Variants in CALN1 observed in about 807,000 individuals in gnomAD.
The protein encoded by CALN1 is calneuron 1.
CALN1 carries 17 observed loss-of-function variants against 30.6 expected under a neutral mutation model. That is an observed-to-expected ratio of 0.56 (90% CI 0.38 to 0.83). The LOEUF (loss-of-function observed/expected upper bound fraction) is 0.83. Ranked by LOEUF, CALN1 falls within the 40% of genes least tolerant of loss-of-function variation. CALN1 has a pLI of 0.00. For synonymous variants in CALN1, 156 were observed against 131.4 expected (o/e 1.19, Z -1.28); for missense variants, 291 against 354.9 (o/e 0.82, Z 1.45).
At chr7:71,848,314 A>G (rs1584362869) in intron 5 of CALN1, among the ~76,000 whole-genome samples, 1 of 152,200 alleles carries the variant, frequency 6.6e-6, no homozygotes, top group African/African-American at 2.4e-5. Flanking sequence ...TTTGATGCTC[A>G]CACCCGTATT....
At chr7:72,212,402 G>C (rs1231118321) in intron 3 of CALN1, among the ~76,000 whole-genome samples, 1 of 150,152 alleles carries the variant, frequency 6.7e-6, no homozygotes, top group Non-Finnish European at 1.5e-5. Context: ...CAATAGATAT[G>C]ACATGGAAGA....
intron 3 of CALN1, among the ~76,000 whole-genome samples, chr7:72,175,175 G>A (rs1256181692): frequency 1.3e-5 from 2 of 151,676 alleles, no homozygotes; most frequent in Admixed American, 6.6e-5. Flanking sequence ...CCAGGTTCAC[G>A]CCATTCTCCT....
chr7:72,129,491 T>A (rs1298666671), intron 3 of CALN1, among the ~76,000 whole-genome samples: 1 of 152,222 alleles, frequency 6.6e-6, no homozygotes, highest in Non-Finnish European at 1.5e-5. Context: ...AGATCATATT[T>A]AATGATACTA....
intron 1 of CALN1, among the ~76,000 whole-genome samples, chr7:72,428,396 T>G (rs1014090921): frequency 2.8e-5 from 4 of 141,792 alleles, no homozygotes; most frequent in Non-Finnish European, 4.5e-5. Context: ...TTTATTTTAT[T>G]ATTTTTTTTT....
chr7:72,498,249 C>A, the CALN1 span, among the ~76,000 whole-genome samples: 1,060 of 151,998 alleles, frequency 7.0e-3, 20 homozygotes, highest in Non-Finnish European at 5.5e-3. Flanking sequence ...GGAATAGAAT[C>A]GAGAATTTTT....
chr7:71,950,385 A>G (rs945452502), intron 5 of CALN1, among the ~76,000 whole-genome samples: 2 of 152,214 alleles, frequency 1.3e-5, no homozygotes, highest in African/African-American at 4.8e-5. Context: ...GGTCTCCGAC[A>G]ATCACTACCA....
intron 5 of CALN1, among the ~76,000 whole-genome samples, chr7:71,913,536 C>T (rs980191535): frequency 2.0e-5 from 3 of 152,142 alleles, no homozygotes; most frequent in African/African-American, 7.2e-5. Context: ...TCCCATAGTA[C>T]AATACAAGTT....
intron 3 of CALN1, among the ~76,000 whole-genome samples, chr7:72,228,811 G>T (rs1024992252): frequency 3.6e-4 from 55 of 151,562 alleles, no homozygotes; most frequent in African/African-American, 1.3e-3. Context: ...GTCCAGGCTG[G>T]AGTGCACTGA....
intron 5 of CALN1, among the ~76,000 whole-genome samples, chr7:71,986,523 C>T (rs1798681573): frequency 6.6e-6 from 1 of 152,204 alleles, no homozygotes; most frequent in Admixed American, 6.5e-5. Flanking sequence ...TCTTCAGCTG[C>T]AGACATCACC....
At chr7:71,840,900 A>G (rs1052946354) in intron 5 of CALN1, among the ~76,000 whole-genome samples, 2 of 152,094 alleles carry the variant, frequency 1.3e-5, no homozygotes, top group Non-Finnish European at 2.9e-5. Flanking sequence ...ATATTTTACT[A>G]AGATATGTGG....
intron 4 of CALN1, among the ~76,000 whole-genome samples, chr7:72,105,796 AGGGAGGGAGGAGGAGGAGG>A (rs1807057024): frequency 1.1e-5 from 1 of 92,108 alleles, no homozygotes; most frequent in Non-Finnish European, 2.2e-5. Flanking sequence ...GGGGGGAGGG[AGGGAGGGAGGAGGAGGAGG>A]GGGAGGGAGA....
chr7:72,262,310 C>T (rs529663857), intron 3 of CALN1, among the ~76,000 whole-genome samples: 1 of 152,308 alleles, frequency 6.6e-6, no homozygotes, highest in African/African-American at 2.4e-5. Context: ...AGATGTTTCC[C>T]ACATCGAAAC....
chr7:71,973,172 G>GT (rs911518247), intron 5 of CALN1, among the ~76,000 whole-genome samples: 38 of 148,460 alleles, frequency 2.6e-4, no homozygotes, highest in African/African-American at 5.2e-4. Flanking sequence ...TCTGTTTTGG[G>GT]TTTTTTTTTT....
At chr7:71,958,262 T>C (rs981222692) in intron 5 of CALN1, among the ~76,000 whole-genome samples, 1 of 152,132 alleles carries the variant, frequency 6.6e-6, no homozygotes, top group Non-Finnish European at 1.5e-5. Context: ...TCCCCCTTTA[T>C]GGAGTCCCCA....
At chr7:71,950,496 C>T (rs963233029) in intron 5 of CALN1, among the ~76,000 whole-genome samples, 1 of 152,112 alleles carries the variant, frequency 6.6e-6, no homozygotes, top group African/African-American at 2.4e-5. Flanking sequence ...AATCCATCAC[C>T]ACGGTCCTCT....
chr7:71,788,247 T>C (rs1049139586), intron 6 of CALN1, among the ~76,000 whole-genome samples: 2 of 152,270 alleles, frequency 1.3e-5, no homozygotes, highest in African/African-American at 4.8e-5. Flanking sequence ...GTGAGTTTCA[T>C]AAAAGACATC....
upstream of CALN1, among the ~76,000 whole-genome samples, chr7:72,417,226 G>A (rs750278747): frequency 9.9e-5 from 15 of 152,188 alleles, no homozygotes; most frequent in African/African-American, 9.7e-5. Context: ...GAGATGCCCC[G>A]TGCAATGGGA....
At chr7:71,840,071 ACT>A (rs1044048863) in intron 5 of CALN1, among the ~76,000 whole-genome samples, 32 of 151,850 alleles carry the variant, frequency 2.1e-4, no homozygotes, top group Admixed American at 1.9e-3. Flanking sequence ...GTTTTCCCTG[ACT>A]CTGTTTTTGT....
chr7:71,873,708 C>T (rs977098026), intron 5 of CALN1, among the ~76,000 whole-genome samples: 10 of 152,206 alleles, frequency 6.6e-5, no homozygotes, highest in African/African-American at 2.2e-4. Context: ...GGGCCAGGCC[C>T]CAAAAATCTG....
Sources: allele counts gnomAD v4.1 joint callset (sites outside exome capture counted in the v4.1 genomes callset), GRCh38; gene constraint gnomAD v4.1.1; transcripts MANE v1.5; gene names NCBI Gene and HGNC (gene_info 2026-07-23, HGNC 2026-07-21).